The following CSMD1 variants were observed in gnomAD, a reference collection of about 807,000 sequenced individuals.
The protein encoded by CSMD1 is CUB and sushi domain-containing protein 1.
In CSMD1, 213 loss-of-function variants were observed where a neutral mutation model predicts 417.5. The observed-to-expected ratio is 0.51, with a 90% CI of 0.46 to 0.57. The LOEUF (loss-of-function observed/expected upper bound fraction) is 0.57. Ranked by LOEUF, CSMD1 falls within the 20% of genes least tolerant of loss-of-function variation. The pLI, the probability that CSMD1 is intolerant of heterozygous loss-of-function variation, is 0.00. For synonymous variants in CSMD1, 2,862 were observed against 1,736.8 expected (o/e 1.65, Z -16.11); for missense variants, 6,923 against 4,529.7 (o/e 1.53, Z -15.17).
rs192519904 is a variant in CSMD1, at chr8:3,275,890, C to T, written c.4153+8254G>A. Among the ~76,000 whole-genome samples the T allele has an allele frequency of 6.1e-3, 935 of 152,170 alleles. 10 individuals are homozygous for T. Among genetic ancestry groups the T allele is most frequent in the African/African-American group, 0.02 (832 of 41,504 alleles). On this transcript the variant is annotated intron_variant, in intron 26 of 69. Coordinates refer to ENST00000635120, the MANE Select transcript of CSMD1 (RefSeq NM_033225.6). ...TTGGTTTGAATGTCCTCCTGTAGCT[C>T]AGAGTAATTTGATTGTCTGAAGCCT...
rs542865142 is a variant in CSMD1 at position 4,689,024 on chromosome 8, A to T, written c.86-51466T>A. On this transcript the variant is annotated intron_variant, in intron 1 of 69. Coordinates refer to ENST00000635120, the MANE Select transcript of CSMD1 (RefSeq NM_033225.6). ...AGAACTAAATTGTCTGTTCATATGA[A>T]TACAATCTTCTGCTGTCCACATAAT... Among the ~76,000 whole-genome samples the T allele has an allele frequency of 3.3e-5, 5 of 152,364 alleles. No homozygotes were observed. In the South Asian group the frequency reaches 1.0e-3, roughly 32 times the overall value.
At chr8:3,564,857 G>T (rs1799631235) in intron 10 of CSMD1, among the ~76,000 whole-genome samples, 1 of 151,938 alleles carries the variant, frequency 6.6e-6, no homozygotes, top group South Asian at 2.1e-4. Context: ...CAACTGTTAA[G>T]CAGCAGTAAC....
intron 3 of CSMD1, among the ~76,000 whole-genome samples, chr8:4,398,518 C>T (rs578193946): frequency 7.4e-4 from 112 of 151,602 alleles, no homozygotes; most frequent in South Asian, 1.7e-3. Context: ...CTCAGCCTCC[C>T]GAGTAGGTGG....
At chr8:4,861,280 G>T (rs182871290) in intron 1 of CSMD1, among the ~76,000 whole-genome samples, 1 of 151,980 alleles carries the variant, frequency 6.6e-6, no homozygotes, top group Non-Finnish European at 1.5e-5. Context: ...CAGCAACAAA[G>T]GTACAGTATG....
At chr8:3,161,748 C>A (rs917973374) in intron 38 of CSMD1, among the ~76,000 whole-genome samples, 1 of 151,826 alleles carries the variant, frequency 6.6e-6, no homozygotes, top group East Asian at 1.9e-4. Flanking sequence ...TCTACCTAGC[C>A]CAAAGAGGGC....
chr8:3,554,529 T>C (rs76608840), intron 10 of CSMD1, among the ~76,000 whole-genome samples: 6,159 of 152,080 alleles, frequency 0.04, 428 homozygotes, highest in African/African-American at 0.14. Flanking sequence ...ATTGAGATAA[T>C]TGGTACCCCC....
chr8:3,030,186 C>G (rs73181712), intron 50 of CSMD1, among the ~76,000 whole-genome samples: 1 of 152,044 alleles, frequency 6.6e-6, no homozygotes, highest in Non-Finnish European at 1.5e-5. Context: ...TAGTAGTATA[C>G]TATTACCAGG....
At chr8:3,942,633 G>T (rs1247402756) in intron 5 of CSMD1, among the ~76,000 whole-genome samples, 1 of 152,120 alleles carries the variant, frequency 6.6e-6, no homozygotes, top group Non-Finnish European at 1.5e-5. Context: ...CTACTTACTG[G>T]TTAGCCTCAG....
chr8:3,568,224 A>T (rs532528269), intron 10 of CSMD1, among the ~76,000 whole-genome samples: 1 of 152,252 alleles, frequency 6.6e-6, no homozygotes, highest in Non-Finnish European at 1.5e-5. Context: ...TGGATGTTTG[A>T]GTATTTATTT....
chr8:4,573,303 CG>C (rs1798975810), intron 2 of CSMD1, among the ~76,000 whole-genome samples: 1 of 151,884 alleles, frequency 6.6e-6, no homozygotes, highest in Non-Finnish European at 1.5e-5. Flanking sequence ...ATGGGATTTT[CG>C]CATGGGCATC....
intron 49 of CSMD1, among the ~76,000 whole-genome samples, chr8:3,085,776 T>C (rs1267881547): frequency 1.3e-5 from 2 of 152,208 alleles, no homozygotes; most frequent in East Asian, 3.8e-4. Context: ...TGTCTCCACC[T>C]CATAATCCGT....
intron 49 of CSMD1, among the ~76,000 whole-genome samples, chr8:3,059,562 A>C (rs1812454600): frequency 6.6e-6 from 1 of 152,130 alleles, no homozygotes. Flanking sequence ...AGCTTATAGG[A>C]GGCACGTCAG....
chr8:3,510,473 A>C (rs1797018336), intron 10 of CSMD1, among the ~76,000 whole-genome samples: 1 of 151,868 alleles, frequency 6.6e-6, no homozygotes, highest in Admixed American at 6.5e-5. Context: ...CCTCAATATC[A>C]TCTTACAGGG....
intron 5 of CSMD1, among the ~76,000 whole-genome samples, chr8:3,871,499 A>C (rs539338018): frequency 3.3e-5 from 5 of 152,262 alleles, no homozygotes; most frequent in Admixed American, 3.3e-4. Context: ...GACTTAATAA[A>C]CATTTGTATC....
At chr8:4,659,464 TGAAG>T (rs760974599) in intron 1 of CSMD1, among the ~76,000 whole-genome samples, 10 of 152,046 alleles carry the variant, frequency 6.6e-5, no homozygotes, top group Admixed American at 2.0e-4. Context: ...CAGTCACAAA[TGAAG>T]GAAGTACTGA....
intron 50 of CSMD1, among the ~76,000 whole-genome samples, chr8:3,030,887 T>C (rs1810300544): frequency 6.6e-6 from 1 of 152,008 alleles, no homozygotes; most frequent in Non-Finnish European, 1.5e-5. Flanking sequence ...AAGTACTATA[T>C]AAAAATATAC....
intron 5 of CSMD1, among the ~76,000 whole-genome samples, chr8:3,774,600 G>C (rs768363960): frequency 3.9e-5 from 6 of 152,112 alleles, no homozygotes; most frequent in Non-Finnish European, 7.4e-5. Flanking sequence ...TTAATCTTCA[G>C]TTGGGAACCT....
chr8:3,625,215 C>T (rs1327813442), intron 7 of CSMD1, among the ~76,000 whole-genome samples: 1 of 152,042 alleles, frequency 6.6e-6, no homozygotes, highest in Non-Finnish European at 1.5e-5. Flanking sequence ...GGATGATAAA[C>T]TCTTATTATC....
chr8:4,067,053 C>T (rs916759030), intron 3 of CSMD1, among the ~76,000 whole-genome samples: 23 of 152,186 alleles, frequency 1.5e-4, no homozygotes, highest in African/African-American at 5.5e-4. Flanking sequence ...CAAGTGTTGC[C>T]ACATGGCGAA....
Sources: allele counts gnomAD v4.1 joint callset (sites outside exome capture counted in the v4.1 genomes callset), GRCh38; gene constraint gnomAD v4.1.1; transcripts MANE v1.5; gene names NCBI Gene and HGNC (gene_info 2026-07-23, HGNC 2026-07-21).